Variants in GABRB3 observed in about 807,000 individuals in gnomAD.
GABRB3 encodes the protein gamma-aminobutyric acid type A receptor subunit beta3.
GABRB3 carries 14 observed loss-of-function variants against 52.1 expected under a neutral mutation model. The ratio of observed to expected loss-of-function variants is 0.27; its 90% CI spans 0.18 to 0.42. The LOEUF (loss-of-function observed/expected upper bound fraction) is 0.42. Among genes scored for constraint, GABRB3 ranks in the 10% least tolerant of loss-of-function variants. The probability of loss-of-function intolerance (pLI) is 1.00; values close to 1 mark genes in which losing one functional copy is unlikely to be tolerated. For synonymous variants in GABRB3, 260 were observed against 232.3 expected (o/e 1.12, Z -1.08); for missense variants, 307 against 609.1 (o/e 0.50, Z 5.22).
chr15:26,551,804 T>C (rs1461787799), intron 8 of GABRB3, among the ~76,000 whole-genome samples: 1 of 152,016 alleles, frequency 6.6e-6, no homozygotes, highest in African/African-American at 2.4e-5. Flanking sequence ...CTCCTTAGAA[T>C]GGAGGACAGC....
chr15:26,664,063 T>C lies in GABRB3; in HGVS notation c.241-42529A>G, dbSNP rs370614243. The stretch of plus-strand genomic sequence containing the variant: ...AAGAATTTCCTCTACATTTTTTTAA[T>C]AGAGACAGGGTCTCACTTTATTGCC... On this transcript the variant is annotated intron_variant, in intron 3 of 8. Coordinates refer to ENST00000311550, the MANE Select transcript of GABRB3 (RefSeq NM_000814.6). Among the ~76,000 whole-genome samples the C allele has an allele frequency of 1.2e-4, 18 of 152,206 alleles. No individual in the cohort carries two copies. In the South Asian group the frequency reaches 1.2e-3, roughly 11 times the overall value.
At chr15:26,770,048 G>GT (rs1891105111) in intron 3 of GABRB3, among the ~76,000 whole-genome samples, 2 of 152,130 alleles carry the variant, frequency 1.3e-5, no homozygotes, top group Admixed American at 6.5e-5. Flanking sequence ...CCTCTAAAAC[G>GT]TGAGTCCCTA....
intron 8 of GABRB3, among the ~76,000 whole-genome samples, chr15:26,560,173 T>G (rs1015452366): frequency 2.0e-5 from 3 of 152,190 alleles, no homozygotes; most frequent in African/African-American, 7.2e-5. Context: ...TTTTGGCTTC[T>G]CCAGCATCAA....
chr15:26,621,252 T>G lies in GABRB3; in HGVS notation c.461+62A>C. The G allele has an allele frequency of 1.5e-5, 18 of 1,214,020 alleles. No homozygotes were observed. Among genetic ancestry groups the G allele is most frequent in the Non-Finnish European group, 2.1e-5 (17 of 816,468 alleles). 75.2% of individuals were successfully genotyped at this position (1,214,020 alleles called of 1,614,324 possible). ...CCTCACTTACAATAATCATCTCAAG[T>G]GAGATATTCAACACCCATGCACCAT... is the stretch of plus-strand genomic sequence containing the variant. On this transcript the variant is annotated intron_variant, in intron 4 of 8. Coordinates refer to ENST00000311550, the MANE Select transcript of GABRB3 (RefSeq NM_000814.6). This position sits in a 1 kb window ranked among gnomAD's most constrained non-coding sequence, Gnocchi z 4.1.
chr15:26,715,803 G>A (rs1889448454), intron 3 of GABRB3, among the ~76,000 whole-genome samples: 1 of 152,068 alleles, frequency 6.6e-6, no homozygotes, highest in South Asian at 2.1e-4. Context: ...TCTTTTATTA[G>A]TAAACTATTA....
chr15:26,668,270 A>T (rs950743785), intron 3 of GABRB3, among the ~76,000 whole-genome samples: 1 of 152,246 alleles, frequency 6.6e-6, no homozygotes, highest in Admixed American at 6.5e-5. Flanking sequence ...TGGAATTAAG[A>T]TATTTTAAGG....
At chr15:26,593,096 A>T (rs1891266470) in intron 4 of GABRB3, among the ~76,000 whole-genome samples, 1 of 152,154 alleles carries the variant, frequency 6.6e-6, no homozygotes, top group Non-Finnish European at 1.5e-5. Context: ...TTCCCAGGTG[A>T]TGCTGATGCT....
chr15:26,602,601 T>A (rs1566768313), intron 4 of GABRB3, among the ~76,000 whole-genome samples: 1 of 151,924 alleles, frequency 6.6e-6, no homozygotes, highest in Non-Finnish European at 1.5e-5. Context: ...GAATCAATAA[T>A]AAGAGGAATT....
intron 3 of GABRB3, among the ~76,000 whole-genome samples, chr15:26,674,656 G>T (rs757782804): frequency 6.6e-6 from 1 of 152,274 alleles, no homozygotes; most frequent in South Asian, 2.1e-4. Context: ...ACAGAGCCAT[G>T]AGAAGGGGCA....
At chr15:26,580,591 G>T in intron 5 of GABRB3, 135 bp from the exon 6 acceptor site, 2 of 1,110,370 alleles carry the variant, frequency 1.8e-6, no homozygotes, top group Non-Finnish European at 2.7e-6. Context: ...TTGTCTAGGG[G>T]AAGTGTCATC....
chr15:26,561,295 T>C (rs1370449505), intron 7 of GABRB3, 119 bp from the exon 8 acceptor site: 66 of 1,403,116 alleles, frequency 4.7e-5, no homozygotes, highest in Non-Finnish European at 6.1e-5. Flanking sequence ...GGTTGAATAC[T>C]GTGGGGTGAC....
intron 3 of GABRB3, among the ~76,000 whole-genome samples, chr15:26,732,451 T>C (rs559232782): frequency 2.4e-4 from 36 of 152,312 alleles, no homozygotes; most frequent in African/African-American, 8.4e-4. Flanking sequence ...TTCCATCATG[T>C]TTAAAGATTC....
intron 4 of GABRB3, among the ~76,000 whole-genome samples, chr15:26,590,916 C>A (rs1891177634): frequency 6.6e-6 from 1 of 152,186 alleles, no homozygotes; most frequent in Admixed American, 6.5e-5. Context: ...TGGAAGTGAC[C>A]ACGTGCCAGC....
At chr15:26,756,690 T>A (rs958245006) in intron 3 of GABRB3, among the ~76,000 whole-genome samples, 1 of 132,264 alleles carries the variant, frequency 7.6e-6, no homozygotes, top group African/African-American at 2.9e-5. Flanking sequence ...ATGTATAAAG[T>A]CACATATGTG....
intron 7 of GABRB3, among the ~76,000 whole-genome samples, chr15:26,566,835 T>C (rs774177168): frequency 7.9e-5 from 12 of 152,332 alleles, no homozygotes; most frequent in Admixed American, 6.5e-5. Context: ...TTTCCATCAA[T>C]TTTTATAAGT....
intron 3 of GABRB3, among the ~76,000 whole-genome samples, chr15:26,742,881 A>G (rs1834251035): frequency 6.7e-6 from 1 of 149,884 alleles, no homozygotes; most frequent in Non-Finnish European, 1.5e-5. Flanking sequence ...AATGACTAGT[A>G]TCTATACAAG....
At chr15:26,653,779 A>G (rs1194005801) in intron 3 of GABRB3, among the ~76,000 whole-genome samples, 1 of 152,240 alleles carries the variant, frequency 6.6e-6, no homozygotes, top group Non-Finnish European at 1.5e-5. Context: ...AGAACTATGC[A>G]TGTAAAGTTC....
chr15:26,557,723 C>T (rs1386742459), intron 8 of GABRB3: 1 of 152,124 alleles, frequency 6.6e-6, no homozygotes, highest in African/African-American at 2.4e-5. Context: ...GATTCTTAAC[C>T]ATGTAAACAT....
intron 3 of GABRB3, among the ~76,000 whole-genome samples, chr15:26,680,960 T>C (rs1381715211): frequency 6.6e-6 from 1 of 152,160 alleles, no homozygotes; most frequent in African/African-American, 2.4e-5. Flanking sequence ...CCTCTTGCAA[T>C]TGTAGCAGCC....
Sources: allele counts gnomAD v4.1 joint callset (sites outside exome capture counted in the v4.1 genomes callset), GRCh38; gene constraint gnomAD v4.1.1; non-coding constraint Gnocchi (gnomAD v3.1); transcripts MANE v1.5; gene names NCBI Gene and HGNC (gene_info 2026-07-23, HGNC 2026-07-21).